IQCH: variants seen among roughly 807,000 people sequenced by gnomAD.
IQCH encodes the protein IQ domain-containing protein H.
IQCH carries 98 observed loss-of-function variants against 117.0 expected under a neutral mutation model. The observed-to-expected ratio is 0.84, with a 90% CI of 0.71 to 0.99. The LOEUF is 0.99. Among genes scored for constraint, IQCH ranks in the 50% least tolerant of loss-of-function variants. The pLI, the probability that IQCH is intolerant of heterozygous loss-of-function variation, is 0.00. For missense variants in IQCH, 1,102 were observed against 1,243.8 expected, an observed-to-expected ratio of 0.89 and a Z score of 1.72; for synonymous variants, 412 against 448.2, an observed-to-expected ratio of 0.92 and a Z score of 1.02.
chr15:67,330,742 T>A (rs942508126), intron 4 of IQCH, among the ~76,000 whole-genome samples: 6 of 152,218 alleles, frequency 3.9e-5, no homozygotes, highest in Non-Finnish European at 8.8e-5. Context: ...ATTGATAAAC[T>A]GTATGCTTTG....
At chr15:67,291,265 C>T (rs1966742056) in intron 4 of IQCH, among the ~76,000 whole-genome samples, 1 of 152,080 alleles carries the variant, frequency 6.6e-6, no homozygotes, top group Non-Finnish European at 1.5e-5. Flanking sequence ...AAACGAGTTC[C>T]AAAAATTGGA....
chr15:67,441,315 A>G (rs1162033475), intron 16 of IQCH, among the ~76,000 whole-genome samples: 1 of 152,088 alleles, frequency 6.6e-6, no homozygotes, highest in Non-Finnish European at 1.5e-5. Flanking sequence ...TACTGCCAAA[A>G]GCAATCTACA....
chr15:67,477,356 A>G (rs2083231290), intron 18 of IQCH, among the ~76,000 whole-genome samples: 1 of 151,774 alleles, frequency 6.6e-6, no homozygotes, highest in Non-Finnish European at 1.5e-5. Context: ...CCCAAATTTT[A>G]TACGTTCTTA....
chr15:67,267,905 AT>A (rs1461593044), intron 3 of IQCH, among the ~76,000 whole-genome samples: 2 of 152,164 alleles, frequency 1.3e-5, no homozygotes, highest in African/African-American at 4.8e-5. Flanking sequence ...CCTTATCAAG[AT>A]CTTCATCATC....
chr15:67,435,879 A>T (rs2082125511), intron 16 of IQCH, among the ~76,000 whole-genome samples: 1 of 152,146 alleles, frequency 6.6e-6, no homozygotes, highest in Non-Finnish European at 1.5e-5. Flanking sequence ...TAAAAAAAAA[A>T]AAAAGTCTAT....
chr15:67,394,045 G>A (rs1971375963), intron 12 of IQCH, among the ~76,000 whole-genome samples: 1 of 152,094 alleles, frequency 6.6e-6, no homozygotes, highest in African/African-American at 2.4e-5. Context: ...TGATAGAGCT[G>A]AATTCAAAGC....
At chr15:67,353,335 CTTT>C (rs1025704002) in intron 6 of IQCH, among the ~76,000 whole-genome samples, 2 of 145,624 alleles carry the variant, frequency 1.4e-5, no homozygotes, top group Admixed American at 1.4e-4. Flanking sequence ...AAATTGGCTT[CTTT>C]ATTTTTTTAT....
chr15:67,397,704 T>C (rs1971515983), intron 13 of IQCH, among the ~76,000 whole-genome samples: 1 of 152,208 alleles, frequency 6.6e-6, no homozygotes, highest in African/African-American at 2.4e-5. Flanking sequence ...TTTAGCAGTA[T>C]TTTTCTGCTC....
rs1367684446 is a variant in IQCH at position 67,453,659 on chromosome 15, C to G, written c.2506-11468C>G. Among the ~76,000 whole-genome samples the G allele has an allele frequency of 6.6e-6, 1 of 152,176 alleles. No homozygotes were observed. Among genetic ancestry groups the G allele is most frequent in the Non-Finnish European group, 1.5e-5 (1 of 68,016 alleles). ...TACTGGGGGGTGCCTCCCAGTTAGG[C>G]TACTCAGGGGTCAGGGACCCACTTG... On this transcript the variant is annotated intron_variant, in intron 16 of 20. Coordinates refer to ENST00000335894, the MANE Select transcript of IQCH (RefSeq NM_001031715.3). The surrounding 1 kb of genome is among the most constrained non-coding windows in gnomAD (Gnocchi z 5.8).
chr15:67,388,615 T>C lies in IQCH; in HGVS notation c.1457-216T>C. Reference sequence around the variant, plus strand: ...TGAAGGAATCATTGCATCTATTTCGTTGGTGGTGGTGTTATTTATATTTTC... The same window carrying C: ...TGAAGGAATCATTGCATCTATTTCGCTGGTGGTGGTGTTATTTATATTTTC... On this transcript the variant is annotated intron_variant, in intron 11 of 20. Transcript: ENST00000335894. This position sits in a 1 kb window ranked among gnomAD's most constrained non-coding sequence, Gnocchi z 5.5. Among the ~76,000 whole-genome samples, 1 of 152,240 alleles carries C rather than the reference T, an allele frequency of 6.6e-6. No individual in the cohort carries two copies.
In IQCH at chr15:67,340,185, T is replaced by C. The variant is rs548762144; in HGVS notation, c.508+3090T>C. Among the ~76,000 whole-genome samples the C allele has an allele frequency of 3.9e-5, 6 of 152,110 alleles. No individual in the cohort carries two copies. In the South Asian group the frequency reaches 1.2e-3, roughly 32 times the overall value. ...GTTCACACCTGTAATCCCAGCACTT[T>C]GGGAGGCCAAGGCGAGCAGATCACC... On this transcript the variant is annotated intron_variant, in intron 5 of 20. Coordinates refer to ENST00000335894, the MANE Select transcript of IQCH (RefSeq NM_001031715.3).
intron 4 of IQCH, among the ~76,000 whole-genome samples, chr15:67,300,633 C>G (rs1966979890): frequency 6.6e-6 from 1 of 152,176 alleles, no homozygotes; most frequent in South Asian, 2.1e-4. Context: ...GTCGATAATA[C>G]TGTAACTTAG....
In IQCH at chr15:67,360,039, A is replaced by C. The variant is rs189290460; in HGVS notation, c.753+154A>C. ...GTAAAAGAAATTAGATCATGGTTTC[A>C]GGAAAAAAAAAAAAACATGGTTCAT... On this transcript the variant is annotated intron_variant, in intron 8 of 20. Coordinates refer to ENST00000335894, the MANE Select transcript of IQCH (RefSeq NM_001031715.3). 241 of 592,144 alleles carry C rather than the reference A, an allele frequency of 4.1e-4. 1 individual carries two copies. In the African/African-American group the frequency reaches 4.4e-3, roughly 11 times the overall value. 36.7% of individuals were successfully genotyped at this position (592,144 alleles called of 1,614,324 possible). A position where few individuals can be genotyped will look rare whatever the true frequency, so the allele number is the denominator to read the frequency against.
At chr15:67,298,256 C>T (rs1380409283) in intron 4 of IQCH, among the ~76,000 whole-genome samples, 31 of 150,438 alleles carry the variant, frequency 2.1e-4, no homozygotes, top group Admixed American at 1.8e-3. Flanking sequence ...TGCAGTAAGC[C>T]GATATCACAT....
rs551760148 is a variant in IQCH at position 67,379,929 on chromosome 15, C to T, written c.1373-5007C>T. Among the ~76,000 whole-genome samples, 370 of 152,070 alleles carry T rather than the reference C, an allele frequency of 2.4e-3. 3 individuals carry two copies. Among genetic ancestry groups the T allele is most frequent in the African/African-American group, 7.4e-3 (307 of 41,486 alleles). On this transcript the variant is annotated intron_variant, in intron 10 of 20. Coordinates refer to ENST00000335894, the MANE Select transcript of IQCH (RefSeq NM_001031715.3). Reference sequence around the variant, plus strand: ...GTGCAATGGTGCAATCTCAGCTCACCGCAACCTCCGCCTCCTGGGTTCAAG... The same window carrying T: ...GTGCAATGGTGCAATCTCAGCTCACTGCAACCTCCGCCTCCTGGGTTCAAG...
chr15:67,302,727 C>G (rs370385734), intron 4 of IQCH, among the ~76,000 whole-genome samples: 2 of 152,036 alleles, frequency 1.3e-5, no homozygotes, highest in African/African-American at 4.8e-5. Context: ...TGTGGTAGTG[C>G]ACACCTGTAA....
intron 4 of IQCH, among the ~76,000 whole-genome samples, chr15:67,291,983 T>G (rs975814377): frequency 2.0e-5 from 3 of 152,202 alleles, no homozygotes; most frequent in Admixed American, 2.0e-4. Context: ...TAAAACCTAA[T>G]GCACAGTGTG....
chr15:67,341,662 AAAGTT>A (rs1354722344), intron 5 of IQCH, among the ~76,000 whole-genome samples: 3 of 152,204 alleles, frequency 2.0e-5, no homozygotes, highest in Non-Finnish European at 2.9e-5. Flanking sequence ...TTTTAAAAGT[AAAGTT>A]ATGACTCTTA....
chr15:67,392,557 G>T (rs1162685120), intron 12 of IQCH, among the ~76,000 whole-genome samples: 1 of 151,966 alleles, frequency 6.6e-6, no homozygotes, highest in Admixed American at 6.6e-5. Flanking sequence ...CAGGTGGATC[G>T]CTTGAGCTCA....
Sources: allele counts gnomAD v4.1 joint callset (sites outside exome capture counted in the v4.1 genomes callset), GRCh38; gene constraint gnomAD v4.1.1; non-coding constraint Gnocchi (gnomAD v3.1); transcripts MANE v1.5; gene names NCBI Gene and HGNC (gene_info 2026-07-23, HGNC 2026-07-21).